Variants in MACROD2 observed in about 807,000 individuals in gnomAD.
MACROD2 encodes the protein ADP-ribose glycohydrolase MACROD2.
In MACROD2, 36 loss-of-function variants were observed where a neutral mutation model predicts 70.4. That is an observed-to-expected ratio of 0.51 (90% CI 0.39 to 0.68). The LOEUF is 0.68. Ranked by LOEUF, MACROD2 falls within the 30% of genes least tolerant of loss-of-function variation. The pLI is 0.00. For missense variants in MACROD2, 496 were observed against 538.4 expected, an observed-to-expected ratio of 0.92 and a Z score of 0.78; for synonymous variants, 172 against 178.8, an observed-to-expected ratio of 0.96 and a Z score of 0.30.
chr20:14,597,767 T>A (rs1982239114), intron 4 of MACROD2, among the ~76,000 whole-genome samples: 1 of 152,094 alleles, frequency 6.6e-6, no homozygotes, highest in Non-Finnish European at 1.5e-5. Context: ...CTAATATTGT[T>A]CTCAACTTAT....
At chr20:15,458,761 T>G (rs1194902666) in intron 7 of MACROD2, among the ~76,000 whole-genome samples, 1 of 152,030 alleles carries the variant, frequency 6.6e-6, no homozygotes, top group Non-Finnish European at 1.5e-5. Context: ...AGTTTCTGCC[T>G]CATCGTATAC....
chr20:15,291,961 G>A (rs986198013), intron 6 of MACROD2, among the ~76,000 whole-genome samples: 3 of 152,162 alleles, frequency 2.0e-5, no homozygotes, highest in African/African-American at 7.2e-5. Context: ...AAACATCCCT[G>A]TGATTGTTGC....
At chr20:14,858,323 C>A (rs545992061) in intron 5 of MACROD2, among the ~76,000 whole-genome samples, 5 of 152,052 alleles carry the variant, frequency 3.3e-5, no homozygotes, top group Admixed American at 2.6e-4. Flanking sequence ...TGAGACAAGC[C>A]GGCAGTGACC....
intron 8 of MACROD2, among the ~76,000 whole-genome samples, chr20:15,665,069 C>G (rs879682867): frequency 3.3e-5 from 5 of 152,228 alleles, no homozygotes; most frequent in Admixed American, 2.6e-4. Flanking sequence ...GCCAAAGGTT[C>G]ACACAGAGAC....
intron 5 of MACROD2, among the ~76,000 whole-genome samples, chr20:15,130,593 A>T (rs986618502): frequency 6.6e-6 from 1 of 152,062 alleles, no homozygotes; most frequent in African/African-American, 2.4e-5. Context: ...CCATGATGGC[A>T]TGAAATTAGG....
chr20:15,887,077 C>A (rs1266788848), intron 10 of MACROD2, among the ~76,000 whole-genome samples: 1 of 152,112 alleles, frequency 6.6e-6, no homozygotes, highest in South Asian at 2.1e-4. Context: ...CCCTACAAAT[C>A]ACTGACAGGC....
chr20:15,366,167 C>T (rs1161820117), intron 6 of MACROD2, among the ~76,000 whole-genome samples: 1 of 152,160 alleles, frequency 6.6e-6, no homozygotes, highest in Non-Finnish European at 1.5e-5. Flanking sequence ...GAACATTTTC[C>T]AGCTTGGGCC....
In MACROD2 at chr20:15,151,344, A is replaced by G. The variant is rs1468432213; in HGVS notation, c.419-78596A>G. Among the ~76,000 whole-genome samples the G allele has an allele frequency of 3.3e-5, 5 of 152,188 alleles. No individual in the cohort carries two copies. In the East Asian group the frequency reaches 9.7e-4, roughly 29 times the overall value. On this transcript the variant is annotated intron_variant, in intron 5 of 17. Coordinates refer to ENST00000684519, the MANE Select transcript of MACROD2 (RefSeq NM_001351661.2). ...GAGGAATGCCTGGCTGCTGCGGTTC[A>G]GGCGTTTGGAAGTTCTTGTGTGCTG...
At chr20:15,198,515 T>G (rs953173975) in intron 5 of MACROD2, among the ~76,000 whole-genome samples, 1 of 152,192 alleles carries the variant, frequency 6.6e-6, no homozygotes, top group Non-Finnish European at 1.5e-5. Context: ...TTATTTACAT[T>G]TGTATACTAG....
At chr20:15,492,273 TA>T (rs985002936) in intron 7 of MACROD2, among the ~76,000 whole-genome samples, 3 of 151,904 alleles carry the variant, frequency 2.0e-5, no homozygotes, top group East Asian at 1.9e-4. Flanking sequence ...GAAGGAGGCC[TA>T]GGGGGAAGAG....
At chr20:15,527,222 C>T (rs1176773150) in intron 8 of MACROD2, among the ~76,000 whole-genome samples, 1 of 151,994 alleles carries the variant, frequency 6.6e-6, no homozygotes, top group East Asian at 1.9e-4. Flanking sequence ...TTCCATGTGT[C>T]TTAAGTGTGA....
intron 6 of MACROD2, among the ~76,000 whole-genome samples, chr20:15,310,863 A>G (rs2077745008): frequency 1.3e-5 from 2 of 152,212 alleles, no homozygotes; most frequent in South Asian, 4.1e-4. Context: ...GCCCGTTTGC[A>G]CTATATCCCA....
intron 3 of MACROD2, among the ~76,000 whole-genome samples, chr20:14,380,585 G>C (rs1381530858): frequency 6.6e-6 from 1 of 152,120 alleles, no homozygotes; most frequent in Admixed American, 6.5e-5. Context: ...GTTAATATTA[G>C]TATGAAGTGG....
intron 4 of MACROD2, among the ~76,000 whole-genome samples, chr20:14,657,777 G>A (rs1645587498): frequency 6.6e-6 from 1 of 151,956 alleles, no homozygotes; most frequent in African/African-American, 2.4e-5. Flanking sequence ...GATAATTCTA[G>A]GGAATTACCC....
chr20:15,652,465 A>G (rs1000074090), intron 8 of MACROD2, among the ~76,000 whole-genome samples: 2 of 152,178 alleles, frequency 1.3e-5, no homozygotes, highest in Non-Finnish European at 1.5e-5. Context: ...AGTCAGTAAT[A>G]TAGAAAAGAT....
Position 14,700,414 on chromosome 20 carries a change from A to G in MACROD2, c.418+15455A>G, listed in dbSNP as rs533031842. ...ATATCATAATTGAGTATCTAGCAAA[A>G]GGTAAAAAAAAGTTCCACTTATGAA... On this transcript the variant is annotated intron_variant, in intron 5 of 17. Coordinates refer to ENST00000684519, the MANE Select transcript of MACROD2 (RefSeq NM_001351661.2). Among the ~76,000 whole-genome samples, 207 of 152,218 alleles carry G rather than the reference A, an allele frequency of 1.4e-3. 1 individual carries two copies. Among genetic ancestry groups the G allele is most frequent in the African/African-American group, 4.8e-3 (198 of 41,550 alleles).
At chr20:15,155,952 A>C (rs1285773746) in intron 5 of MACROD2, among the ~76,000 whole-genome samples, 1 of 152,120 alleles carries the variant, frequency 6.6e-6, no homozygotes, top group Non-Finnish European at 1.5e-5. Context: ...CAGCAATGCT[A>C]GTCAACTCTG....
At chr20:15,180,143 C>T (rs1318894562) in intron 5 of MACROD2, among the ~76,000 whole-genome samples, 1 of 152,162 alleles carries the variant, frequency 6.6e-6, no homozygotes, top group East Asian at 1.9e-4. Context: ...AACTTAACCC[C>T]CTCTTTGAAG....
At chr20:14,255,712 A>G (rs970356281) in intron 3 of MACROD2, among the ~76,000 whole-genome samples, 1 of 133,882 alleles carries the variant, frequency 7.5e-6, no homozygotes, top group Non-Finnish European at 1.7e-5. Context: ...TAAATAAATA[A>G]ATAAATAAAT....
Sources: gnomAD v4.1 joint callset for allele counts (sites outside exome capture counted in the v4.1 genomes callset) on GRCh38, gnomAD v4.1.1 for gene constraint, MANE v1.5 for transcripts, NCBI Gene and HGNC (gene_info 2026-07-23, HGNC 2026-07-21) for gene names.